DOCK1: variants seen among roughly 807,000 people sequenced by gnomAD.
DOCK1 encodes dedicator of cytokinesis 1, also known as dedicator of cytokinesis protein 1.
DOCK1 carries 138 observed loss-of-function variants against 262.7 expected under a neutral mutation model. The observed-to-expected ratio is 0.53, with a 90% CI of 0.46 to 0.61. DOCK1 has a LOEUF of 0.61. Ranked by LOEUF, DOCK1 falls within the 20% of genes least tolerant of loss-of-function variation. The probability of loss-of-function intolerance (pLI) is 0.00; values close to 1 mark genes in which losing one functional copy is unlikely to be tolerated. For missense variants in DOCK1, 1,908 were observed against 2,370.7 expected (o/e 0.80, Z 4.05); for synonymous variants, 866 against 867.4 (o/e 1.00, Z 0.03).
intron 29 of DOCK1, among the ~76,000 whole-genome samples, chr10:127,303,616 T>C: frequency 6.9e-6 from 1 of 145,648 alleles, no homozygotes; most frequent in African/African-American, 2.6e-5. Context: ...CCCAACACTT[T>C]GGGAGGCCAC....
chr10:127,380,032 C>G, intron 35 of DOCK1, 50 bp from the exon 36 acceptor site: 1 of 1,270,352 alleles, frequency 7.9e-7, no homozygotes, highest in Non-Finnish European at 1.1e-6. Flanking sequence ...GCATGTGATA[C>G]CTTTTGTGGA....
At chr10:126,957,329 C>A (rs1387010359) in intron 1 of DOCK1, among the ~76,000 whole-genome samples, 1 of 152,182 alleles carries the variant, frequency 6.6e-6, no homozygotes, top group Non-Finnish European at 1.5e-5. Context: ...GGGGACGGCA[C>A]TGGGCTGCTG....
intron 29 of DOCK1, among the ~76,000 whole-genome samples, chr10:127,324,095 T>G (rs1230657711): frequency 1.3e-5 from 2 of 152,130 alleles, no homozygotes; most frequent in Non-Finnish European, 2.9e-5. Flanking sequence ...ACAAAGATAC[T>G]CTCAAGGCCA....
At chr10:127,113,488 A>G (rs2483858) in intron 25 of DOCK1, among the ~76,000 whole-genome samples, 109,010 of 152,188 alleles carry the variant, frequency 0.72, 42,887 homozygotes, top group South Asian at 0.89. Flanking sequence ...AATGACAAGT[A>G]GATCTGTTTG....
chr10:127,373,898 T>C, intron 34 of DOCK1, 32 bp downstream of exon 34: 1 of 1,582,668 alleles, frequency 6.3e-7, no homozygotes, highest in Non-Finnish European at 8.6e-7. Context: ...GATTTATGTC[T>C]GAGAGATACA....
chr10:127,280,088 G>T (rs572182980), intron 29 of DOCK1, among the ~76,000 whole-genome samples: 1 of 142,726 alleles, frequency 7.0e-6, no homozygotes, highest in Non-Finnish European at 1.5e-5. Flanking sequence ...AGGCTGGAGT[G>T]CAGCGGCGCG....
chr10:127,449,019 A>G (rs1295762635), intron 51 of DOCK1, among the ~76,000 whole-genome samples: 1 of 152,130 alleles, frequency 6.6e-6, no homozygotes, highest in Non-Finnish European at 1.5e-5. Flanking sequence ...AATATCAAAG[A>G]GGCAGATTGC....
In DOCK1 at chr10:127,027,219, C is replaced by T. The variant is rs560849780; in HGVS notation, c.1624+795C>T. 3.3e-5 allele frequency among the ~76,000 whole-genome samples: 5 copies of T among 152,374 alleles called. No homozygotes were observed. In the South Asian group the frequency reaches 6.2e-4, roughly 19 times the overall value. ...CACTGATGACCCCGTGGGGGTCACA[C>T]CGTGCAGTGGGCAGTTTCAGGTTCT... is the stretch of plus-strand genomic sequence containing the variant. On this transcript the variant is annotated intron_variant, in intron 16 of 51. Transcript: ENST00000623213.
chr10:127,247,958 C>A, intron 27 of DOCK1, 50 bp from the exon 28 acceptor site: 2 of 1,575,986 alleles, frequency 1.3e-6, no homozygotes, highest in African/African-American at 1.3e-5. Flanking sequence ...CGGCTTTTCC[C>A]ATGAGTGTTG....
intron 1 of DOCK1, among the ~76,000 whole-genome samples, chr10:126,908,750 A>G (rs2031319774): frequency 6.6e-6 from 1 of 152,134 alleles, no homozygotes; most frequent in South Asian, 2.1e-4. Context: ...GGCCTGGCAT[A>G]TTAACAGGCA....
At chr10:126,983,249 G>A (rs1042440614) in intron 4 of DOCK1, among the ~76,000 whole-genome samples, 2 of 152,082 alleles carry the variant, frequency 1.3e-5, no homozygotes, top group East Asian at 1.9e-4. Flanking sequence ...CCCTTGCCAC[G>A]GCCACTCAAG....
intron 43 of DOCK1, among the ~76,000 whole-genome samples, chr10:127,411,492 C>G (rs1418035935): frequency 5.9e-5 from 9 of 152,184 alleles, no homozygotes; most frequent in Non-Finnish European, 1.3e-4. Context: ...GGCAGCATCC[C>G]TGAACACTGC....
chr10:127,114,755 C>CTTTTTTTT, intron 25 of DOCK1, among the ~76,000 whole-genome samples: 1 of 105,284 alleles, frequency 9.5e-6, no homozygotes, highest in African/African-American at 3.5e-5. Flanking sequence ...CCTTTTTTTT[C>CTTTTTTTT]TTTCTTTTTT....
chr10:127,026,167 T>G lies in DOCK1; in HGVS notation c.1552-185T>G, dbSNP rs954238163. 6.7e-6 allele frequency: 4 copies of G among 598,778 alleles called. No individual in the cohort carries two copies. In the Admixed American group the frequency reaches 9.6e-5, roughly 14 times the overall value. 37.1% of individuals were successfully genotyped at this position (598,778 alleles called of 1,614,324 possible). On this transcript the variant is annotated intron_variant, in intron 15 of 51. Transcript: ENST00000623213. ...TCAGTTGGCTTGGCAGCTGTTACAA[T>G]ATGATACAAAATTTTGCAGAGGCAT... is the stretch of plus-strand genomic sequence containing the variant.
At chr10:127,442,455 G>A (rs977722456) in intron 49 of DOCK1, among the ~76,000 whole-genome samples, 6 of 152,192 alleles carry the variant, frequency 3.9e-5, no homozygotes, top group East Asian at 3.9e-4. Flanking sequence ...TTACTCCTGC[G>A]TCAGAGTATT....
intron 29 of DOCK1, among the ~76,000 whole-genome samples, chr10:127,260,027 T>C (rs901070379): frequency 6.6e-6 from 1 of 152,126 alleles, no homozygotes; most frequent in African/African-American, 2.4e-5. Flanking sequence ...TCCTGGGATA[T>C]TCTGTTGTTT....
chr10:127,384,853 G>A lies in DOCK1; in HGVS notation c.3871G>A (p.Gly1291Arg). The A allele has an allele frequency of 6.2e-7, 1 of 1,609,368 alleles. No homozygotes were observed. The highest frequency in any genetic ancestry group is 8.5e-7 in the Non-Finnish European group (1 of 1,178,542). Residue 1291 changes from glycine (G) to arginine (R), a missense_variant, in exon 38 of 52, where the codon GGA becomes AGA. By Grantham distance (125) the Gly-to-Arg change is moderately radical. Coordinates refer to ENST00000623213, the MANE Select transcript of DOCK1 (RefSeq NM_001290223.2). ...GGACGGGTACCAGGCCACCACGCAG[G>A]GACAGCTGAAGGAGCAGCTCTACCA... is the stretch of plus-strand genomic sequence containing the variant. ...QRDGYQATTQ[G>R]QLKEQLYQEI...
intron 2 of DOCK1, among the ~76,000 whole-genome samples, chr10:126,972,162 C>T (rs770408857): frequency 9.2e-5 from 14 of 151,896 alleles, no homozygotes; most frequent in Non-Finnish European, 1.3e-4. Flanking sequence ...GTGATTTGCC[C>T]GCCTCGGCCT....
At chr10:127,382,254 G>T (rs1386566438) in intron 37 of DOCK1, among the ~76,000 whole-genome samples, 1 of 152,106 alleles carries the variant, frequency 6.6e-6, no homozygotes, top group Non-Finnish European at 1.5e-5. Flanking sequence ...CATTAAATGG[G>T]CATTCAGTAG....
Sources: gnomAD v4.1 joint callset for allele counts (sites outside exome capture counted in the v4.1 genomes callset) on GRCh38, gnomAD v4.1.1 for gene constraint, MANE v1.5 for transcripts, NCBI Gene and HGNC (gene_info 2026-07-23, HGNC 2026-07-21) for gene names.